COL27A1: variants seen among roughly 807,000 people sequenced by gnomAD.
COL27A1 encodes the protein collagen alpha-1(XXVII) chain.
In COL27A1, 106 loss-of-function variants were observed where a neutral mutation model predicts 251.3. The ratio of observed to expected loss-of-function variants is 0.42; its 90% CI spans 0.36 to 0.50. The LOEUF (loss-of-function observed/expected upper bound fraction) is 0.50. Among genes scored for constraint, COL27A1 ranks in the 20% least tolerant of loss-of-function variants. The pLI, the probability that COL27A1 is intolerant of heterozygous loss-of-function variation, is 0.00. For missense variants in COL27A1, 2,325 were observed against 2,522.8 expected (o/e 0.92, Z 1.68); for synonymous variants, 1,000 against 986.3 (o/e 1.01, Z -0.26).
intron 24 of COL27A1, among the ~76,000 whole-genome samples, chr9:114,248,196 G>A (rs1184610637): frequency 6.6e-6 from 1 of 152,200 alleles, no homozygotes; most frequent in Non-Finnish European, 1.5e-5. Flanking sequence ...GCCCTGGCCT[G>A]TCTCTAACAG....
intron 10 of COL27A1, among the ~76,000 whole-genome samples, chr9:114,208,628 G>A (rs1374247378): frequency 3.3e-5 from 5 of 152,118 alleles, no homozygotes; most frequent in East Asian, 1.9e-4. Flanking sequence ...AGAGTGGCAC[G>A]CAGATAGTGG....
chr9:114,229,896 C>T (rs1012249499), intron 14 of COL27A1, among the ~76,000 whole-genome samples: 1 of 152,132 alleles, frequency 6.6e-6, no homozygotes, highest in Admixed American at 6.5e-5. Context: ...TTATTCGTGG[C>T]GGGGGCTGTT....
At position 114,285,344 on chromosome 9, in the gene COL27A1, C is replaced by G. The variant is rs943222770; in HGVS notation, c.3987+567C>G. Among the ~76,000 whole-genome samples the G allele has an allele frequency of 7.2e-5, 11 of 152,286 alleles. No homozygotes were observed. The South Asian group carries it at 1.2e-3, about 17-fold the overall frequency. ...TCGCTGATCCCTGGACCCTGCCCCC[C>G]CATGCCAGTGGGGATGTGGAGGGCC... On this transcript the variant is annotated intron_variant, in intron 41 of 60. Coordinates refer to ENST00000356083, the MANE Select transcript of COL27A1 (RefSeq NM_032888.4).
intron 49 of COL27A1, among the ~76,000 whole-genome samples, chr9:114,297,012 A>G (rs1458791846): frequency 6.6e-6 from 1 of 152,238 alleles, no homozygotes; most frequent in East Asian, 1.9e-4. Context: ...ACTAATCTGC[A>G]TTGAAAGAAG....
chr9:114,309,450 G>C lies in COL27A1; in HGVS notation c.5408G>C (p.Arg1803Pro), dbSNP rs757567506. The C allele has an allele frequency of 8.7e-6, 14 of 1,613,698 alleles. No homozygotes were observed. The highest frequency in any genetic ancestry group is 1.1e-5 in the Non-Finnish European group (13 of 1,179,928). The change falls in exon 60 of 61, where the codon CGG (arginine) becomes CCG (proline). Residue 1803 changes from arginine to proline, a missense_variant. Physicochemically the swap from Arg to Pro is moderately radical, Grantham distance 103. Coordinates refer to ENST00000356083, the MANE Select transcript of COL27A1 (RefSeq NM_032888.4). Reference protein sequence around the residue: ...GQIFEAGGQFRPEVSMDGCKV... With the variant: ...GQIFEAGGQFPPEVSMDGCKV... Reference sequence around the variant, plus strand: ...ATTTTTGAAGCTGGGGGTCAGTTCCGGCCCGAGGTGTCCATGGATGGCTGC... The same window carrying C: ...ATTTTTGAAGCTGGGGGTCAGTTCCCGCCCGAGGTGTCCATGGATGGCTGC...
chr9:114,231,859 G>A lies in COL27A1; in HGVS notation c.2558G>A (p.Gly853Asp). 1 of 1,614,174 alleles carries A rather than the reference G, an allele frequency of 6.2e-7. No individual in the cohort carries two copies. Among genetic ancestry groups the A allele is most frequent in the East Asian group, 2.2e-5 (1 of 44,880 alleles). The change falls in exon 16 of 61, where the codon GGT (glycine) becomes GAT (aspartate). Residue 853 changes from glycine to aspartate, a missense_variant. Transcript: ENST00000356083. ...MGSVGEPGLK[G>D]DKGEQGVPGV... is the part of the protein sequence containing the mutation. The stretch of plus-strand genomic sequence containing the variant: ...AGCGTGGGGGAGCCCGGACTGAAAG[G>A]TGATAAGGTGATCTGAATACTCCCT...
intron 56 of COL27A1, among the ~76,000 whole-genome samples, chr9:114,302,730 A>C (rs575729507): frequency 0.022 from 2,437 of 108,578 alleles, 34 homozygotes; most frequent in East Asian, 0.056. Context: ...AAAAAACAAA[A>C]AAAAAAAAAA....
chr9:114,300,515 T>C, intron 50 of COL27A1, 110 bp from the exon 51 acceptor site: 1 of 810,908 alleles, frequency 1.2e-6, no homozygotes, highest in African/African-American at 1.8e-5. Flanking sequence ...AGGTAAGGCC[T>C]CTCTTGACAA....
intron 25 of COL27A1, among the ~76,000 whole-genome samples, chr9:114,251,083 C>G (rs1019518123): frequency 6.6e-6 from 1 of 152,052 alleles, no homozygotes; most frequent in Non-Finnish European, 1.5e-5. Context: ...TCCAGGTCAC[C>G]CAGATAATAA....
Position 114,304,605 on chromosome 9 carries a change from C to A in COL27A1, c.4873-3C>A. 5 of 1,614,114 alleles carry A rather than the reference C, an allele frequency of 3.1e-6. No homozygotes were observed. Among genetic ancestry groups the A allele is most frequent in the Non-Finnish European group, 4.2e-6 (5 of 1,180,006 alleles). ...ATACATACCCTGTCTTTTCCTTGCCCAGCAACAAGATGATCTTGGGGCAGC... is the reference window on the plus strand; with the variant it reads ...ATACATACCCTGTCTTTTCCTTGCCAAGCAACAAGATGATCTTGGGGCAGC... On this transcript the variant is annotated splice_polypyrimidine_tract_variant and splice_region_variant and intron_variant, in intron 56 of 60. Coordinates refer to ENST00000356083, the MANE Select transcript of COL27A1 (RefSeq NM_032888.4).
intron 16 of COL27A1, among the ~76,000 whole-genome samples, chr9:114,232,148 C>T (rs1411562843): frequency 6.6e-6 from 1 of 152,170 alleles, no homozygotes; most frequent in African/African-American, 2.4e-5. Context: ...ATCCAGAGAG[C>T]AGAGCTGAGG....
chr9:114,186,546 G>A (rs1240155679), intron 5 of COL27A1, among the ~76,000 whole-genome samples: 1 of 152,176 alleles, frequency 6.6e-6, no homozygotes, highest in African/African-American at 2.4e-5. Context: ...TATGGGGATT[G>A]ATCTAGTCCG....
rs995298435 is a variant in COL27A1 at position 114,210,308 on chromosome 9, A to C, written c.2322+580A>C. On this transcript the variant is annotated intron_variant, in intron 11 of 60. Coordinates refer to ENST00000356083, the MANE Select transcript of COL27A1 (RefSeq NM_032888.4). ...CAGAGACCGTATGGCCCACAGAGCC[A>C]AAGATATTCACTATCTGCCCCTTTC... is the stretch of plus-strand genomic sequence containing the variant. Among the ~76,000 whole-genome samples, 78 of 152,374 alleles carry C rather than the reference A, an allele frequency of 5.1e-4. 2 individuals are homozygous for C. The highest frequency in any genetic ancestry group is 5.0e-3 in the Admixed American group (77 of 15,310).
intron 12 of COL27A1, among the ~76,000 whole-genome samples, chr9:114,211,526 T>G (rs1387147704): frequency 1.3e-5 from 2 of 152,264 alleles, no homozygotes; most frequent in Non-Finnish European, 2.9e-5. Context: ...GGCTCAGCGG[T>G]GACCCCCAAT....
intron 24 of COL27A1, 108 bp from the exon 25 acceptor site, chr9:114,250,507 C>G (rs1450274978): frequency 3.0e-6 from 3 of 1,009,380 alleles, no homozygotes; most frequent in Non-Finnish European, 4.6e-6. Context: ...GCTGGGTGAC[C>G]AGGCACGGGT....
intron 22 of COL27A1, among the ~76,000 whole-genome samples, chr9:114,242,872 T>G (rs1304876395): frequency 6.6e-6 from 1 of 152,248 alleles, no homozygotes; most frequent in Non-Finnish European, 1.5e-5. Context: ...GAATTCACGC[T>G]ATTTTCCATA....
intron 1 of COL27A1, among the ~76,000 whole-genome samples, chr9:114,160,345 T>G (rs1219035728): frequency 6.6e-6 from 1 of 151,794 alleles, no homozygotes; most frequent in African/African-American, 2.4e-5. Context: ...TTGGTAGAGA[T>G]GGGGTTTCGC....
intron 24 of COL27A1, among the ~76,000 whole-genome samples, chr9:114,247,719 G>A (rs899812148): frequency 6.6e-5 from 10 of 152,212 alleles, no homozygotes; most frequent in African/African-American, 2.4e-4. Context: ...AAGGCACATG[G>A]AGGTACCATG....
In COL27A1 at chr9:114,205,151, G is replaced by A. The variant is rs1465772487; in HGVS notation, c.2169+5G>A. On this transcript the variant is annotated splice_donor_5th_base_variant and intron_variant, in intron 8 of 60. Coordinates refer to ENST00000356083, the MANE Select transcript of COL27A1 (RefSeq NM_032888.4). Reference sequence around the variant, plus strand: ...GCAGGGCACCCCGGAGAACAGGTGAGGGCCTCAGCCTCAGCCCTGCCCTGG... The same window carrying A: ...GCAGGGCACCCCGGAGAACAGGTGAAGGCCTCAGCCTCAGCCCTGCCCTGG... 1 of 1,612,898 alleles carries A rather than the reference G, an allele frequency of 6.2e-7. No homozygotes were observed. The highest frequency in any genetic ancestry group is 2.2e-5 in the East Asian group (1 of 44,854).
Sources: allele counts gnomAD v4.1 joint callset (sites outside exome capture counted in the v4.1 genomes callset), GRCh38; gene constraint gnomAD v4.1.1; transcripts MANE v1.5; gene names NCBI Gene and HGNC (gene_info 2026-07-23, HGNC 2026-07-21).